The following KCP variants were observed in gnomAD, a reference collection of about 807,000 sequenced individuals.
KCP encodes kielin cysteine rich BMP regulator.
A neutral mutation model predicts 212.7 loss-of-function variants in KCP; 194 were observed. The ratio of observed to expected loss-of-function variants is 0.91; its 90% CI spans 0.81 to 1.03. The LOEUF (loss-of-function observed/expected upper bound fraction) is 1.03. Ranked by LOEUF, KCP falls within the 50% of genes least tolerant of loss-of-function variation. KCP has a pLI of 0.00. For synonymous variants in KCP, 833 were observed against 865.3 expected, an observed-to-expected ratio of 0.96 and a Z score of 0.65; for missense variants, 2,080 against 2,162.5, an observed-to-expected ratio of 0.96 and a Z score of 0.76.
rs1029246164 is a variant in KCP at position 128,879,583 on chromosome 7, G to A, written c.4085C>T (p.Pro1362Leu). ...HPVALPFLQEPLLYVELRGHT... is the reference protein window; with the variant it reads ...HPVALPFLQELLLYVELRGHT... ...TCCTCGCAGCTCCACATACAGCAGC[G>A]GCTCCTGCAGGAAGGGCAAGGCCAC... Residue 1362 changes from proline (P) to leucine (L), a missense_variant, in exon 37 of 40, where the codon CCG becomes CTG. Pro to Leu is a moderately conservative substitution (Grantham distance 98, BLOSUM62 -3). Coordinates refer to ENST00000610776, the MANE Select transcript of KCP (RefSeq NM_001366122.1). The A allele has an allele frequency of 1.7e-5, 27 of 1,550,370 alleles. No individual in the cohort carries two copies. The highest frequency in any genetic ancestry group is 8.2e-5 in the African/African-American group (6 of 73,012).
intron 1 of KCP, among the ~76,000 whole-genome samples, chr7:128,909,594 C>A (rs913288304): frequency 1.3e-5 from 2 of 152,116 alleles, no homozygotes; most frequent in Admixed American, 6.5e-5. Context: ...TACATCCCCC[C>A]CTTCTCCTCT....
intron 23 of KCP, 95 bp from the exon 24 acceptor site, chr7:128,887,061 C>T (rs376519354): frequency 7.8e-6 from 8 of 1,031,690 alleles, no homozygotes; most frequent in Non-Finnish European, 1.5e-6. Context: ...AACACCCTCC[C>T]TTGGCCCGGG....
In KCP at chr7:128,893,273, CAG is replaced by C. The variant is rs1563040134; in HGVS notation, c.1230_1231del (p.Ala412ProfsTer13). On this transcript the variant is annotated frameshift_variant, in exon 13 of 40. Coordinates refer to ENST00000610776, the MANE Select transcript of KCP (RefSeq NM_001366122.1). LOFTEE classifies it high-confidence loss of function. ...CTGGCGGCCAGAGGCAGGCAGGGCA[CAG>C]GGGGTGACTGGGCACTCCTGCTCCT... is the stretch of plus-strand genomic sequence containing the variant. 3 of 1,551,444 alleles carry C rather than the reference CAG, an allele frequency of 1.9e-6. No homozygotes were observed. In the African/African-American group the frequency reaches 4.1e-5, roughly 21 times the overall value.
At chr7:128,909,112 G>C (rs1210072054) in intron 1 of KCP, among the ~76,000 whole-genome samples, 1 of 152,202 alleles carries the variant, frequency 6.6e-6, no homozygotes, top group African/African-American at 2.4e-5. Context: ...CTATGTCCAG[G>C]AAAGAGGGAC....
Position 128,891,482 on chromosome 7 carries a change from G to A in KCP, c.1847C>T (p.Pro616Leu), listed in dbSNP as rs1295850712. Reference sequence around the variant, plus strand: ...GCGACACAGACGGCAGGGGTCAGAGGGGTGGGGGAAGTCCGCTCCGCTGGG... The same window carrying A: ...GCGACACAGACGGCAGGGGTCAGAGAGGTGGGGGAAGTCCGCTCCGCTGGG... Reference protein sequence around the residue: ...EYPSGADFPHPSDPCRLCRCL... With the variant: ...EYPSGADFPHLSDPCRLCRCL... The change falls in exon 18 of 40, where the codon CCC (proline) becomes CTC (leucine). Residue 616 changes from proline to leucine, a missense_variant. Physicochemically the swap from Pro to Leu is moderately conservative, Grantham distance 98. Coordinates refer to ENST00000610776, the MANE Select transcript of KCP (RefSeq NM_001366122.1). 6.4e-7 allele frequency: 1 copy of A among 1,550,398 alleles called. No individual in the cohort carries two copies. The highest frequency in any genetic ancestry group is 8.7e-7 in the Non-Finnish European group (1 of 1,146,794).
rs1202831349 is a variant in KCP, at chr7:128,906,360, CT to C, written c.489del (p.Gly164ValfsTer55). 1 of 1,548,474 alleles carries C rather than the reference CT, an allele frequency of 6.5e-7. No homozygotes were observed. Among genetic ancestry groups the C allele is most frequent in the African/African-American group, 1.4e-5 (1 of 73,084 alleles). On this transcript the variant is annotated frameshift_variant and splice_region_variant, in exon 5 of 40. Transcript: ENST00000610776. LOFTEE classifies it high-confidence loss of function. ...GGCTTCTGGTTGCAAGTGATGGTAC[CT>C]TCCTGTGGGAGCAGACTGAGGTGGC... ...PDACTTCRCL[E>X]GTITCNQKPC...
Position 128,889,018 on chromosome 7 carries a change from G to A in KCP, c.2357C>T (p.Ser786Phe). The A allele has an allele frequency of 6.6e-7, 1 of 1,522,666 alleles. No homozygotes were observed. Among genetic ancestry groups the A allele is most frequent in the Non-Finnish European group, 8.8e-7 (1 of 1,131,624 alleles). 94.3% of individuals were successfully genotyped at this position (1,522,666 alleles called of 1,614,324 possible). The change falls in exon 22 of 40, where the codon TCC becomes TTC. Residue 786 changes from serine (S) to phenylalanine (F), a missense_variant. Ser to Phe is a radical substitution (Grantham distance 155, BLOSUM62 -2). Transcript: ENST00000610776. ...DCDGCEYLGE[S>F]YLSNQEFPDP... is the part of the protein sequence containing the mutation. Reference sequence around the variant, plus strand: ...TGGGAACTCCTGGTTACTCAGGTAGGACTCCCCCAGGTACTCACAGCCTTT... The same window carrying A: ...TGGGAACTCCTGGTTACTCAGGTAGAACTCCCCCAGGTACTCACAGCCTTT...
chr7:128,888,741 A>G, intron 22 of KCP, 122 bp downstream of exon 22: 1 of 943,448 alleles, frequency 1.1e-6, no homozygotes. Flanking sequence ...AGGGAGTCGG[A>G]GAGTGAGAGA....
chr7:128,904,325 C>T, intron 5 of KCP, 187 bp from the exon 6 acceptor site: 1 of 1,552,024 alleles, frequency 6.4e-7, no homozygotes, highest in Non-Finnish European at 8.7e-7. Context: ...TGGGGTGCAG[C>T]TCTCCAAGCA....
intron 21 of KCP, chr7:128,890,047 G>A (rs925825018): frequency 3.0e-5 from 12 of 393,492 alleles, no homozygotes; most frequent in African/African-American, 1.3e-4. Flanking sequence ...CTCAGCCTCC[G>A]GAGTAGATGG....
intron 5 of KCP, 22 bp from the exon 6 acceptor site, chr7:128,904,160 C>A: frequency 1.3e-6 from 2 of 1,548,514 alleles, no homozygotes; most frequent in Non-Finnish European, 1.7e-6. Flanking sequence ...GGCAGGATGA[C>A]AAGTGGGTCA....
intron 8 of KCP, among the ~76,000 whole-genome samples, chr7:128,899,650 T>C (rs1477028732): frequency 6.6e-6 from 1 of 152,218 alleles, no homozygotes; most frequent in Non-Finnish European, 1.5e-5. Context: ...GTGAACAAAA[T>C]TGGAGCATAT....
At chr7:128,901,005 G>C (rs1794812257) in intron 8 of KCP, among the ~76,000 whole-genome samples, 1 of 152,206 alleles carries the variant, frequency 6.6e-6, no homozygotes, top group African/African-American at 2.4e-5. Context: ...GATGAGATAG[G>C]AGGTCAGCAC....
At chr7:128,881,121 C>T (rs1457186050) in intron 31 of KCP, 36 bp from the exon 32 acceptor site, 6 of 398,826 alleles carry the variant, frequency 1.5e-5, no homozygotes, top group African/African-American at 1.2e-4. Context: ...AGGCACTGTC[C>T]CTCCTGCTGT....
chr7:128,891,922 C>G (rs376020983), intron 16 of KCP, 103 bp from the exon 17 acceptor site: 2 of 834,060 alleles, frequency 2.4e-6, no homozygotes, highest in East Asian at 5.9e-5. Context: ...GAAGCTGACT[C>G]GAGGGGAAAG....
chr7:128,878,983 C>T, intron 37 of KCP: 1 of 495,712 alleles, frequency 2.0e-6, no homozygotes. Context: ...CTGCTGCCAT[C>T]CCTGCACTGG....
At chr7:128,905,632 C>T (rs777417288) in intron 5 of KCP, among the ~76,000 whole-genome samples, 47 of 152,218 alleles carry the variant, frequency 3.1e-4, no homozygotes, top group Non-Finnish European at 1.9e-4. Context: ...GGTGAATATT[C>T]CTCAAGCGCC....
intron 13 of KCP, 93 bp from the exon 14 acceptor site, chr7:128,893,114 G>C: frequency 9.2e-7 from 1 of 1,086,994 alleles, no homozygotes; most frequent in African/African-American, 1.6e-5. Context: ...CGCCATCCCC[G>C]CTGACACTGT....
rs776219080 is a variant in KCP, at chr7:128,878,647, C to G, written c.4222G>C (p.Gly1408Arg). ...TCCTGGGCAAAGCCATTGAAGTTCC[C>G]ACAGAGCCCACAAGTCCGGCCCTGG... ...SYQGRTCGLC[G>R]NFNGFAQDDL... is the part of the protein sequence containing the mutation. The change falls in exon 38 of 40, where the codon GGG becomes CGG. Residue 1408 changes from glycine to arginine, a missense_variant. Physicochemically the swap from Gly to Arg is moderately radical, Grantham distance 125. Coordinates refer to ENST00000610776, the MANE Select transcript of KCP (RefSeq NM_001366122.1). The G allele has an allele frequency of 1.0e-5, 16 of 1,551,242 alleles. No homozygotes were observed. In the African/African-American group the frequency reaches 2.1e-4, roughly 20 times the overall value.
Sources: gnomAD v4.1 joint callset for allele counts (sites outside exome capture counted in the v4.1 genomes callset) on GRCh38, gnomAD v4.1.1 for gene constraint, MANE v1.5 for transcripts, NCBI Gene and HGNC (gene_info 2026-07-23, HGNC 2026-07-21) for gene names.